Variants in DISC1 observed in about 807,000 individuals in gnomAD.
The protein encoded by DISC1 is DISC1 scaffold protein.
A neutral mutation model predicts 84.5 loss-of-function variants in DISC1; 57 were observed. The observed-to-expected ratio is 0.67, with a 90% confidence interval of 0.55 to 0.84. DISC1 has a LOEUF of 0.84. DISC1 is among the 40% of genes least tolerant of loss of function. The pLI, the probability that DISC1 is intolerant of heterozygous loss-of-function variation, is 0.00. For synonymous variants in DISC1, 411 were observed against 415.2 expected (o/e 0.99, Z 0.12); for missense variants, 1,000 against 1,057.8 (o/e 0.95, Z 0.76).
At position 231,931,645 on chromosome 1, in the gene DISC1, A is replaced by ATTTTT. The variant is rs10652394; in HGVS notation, c.1982-27172_1982-27168dup. ...TAGCTCAGTTTTGACACTGCTTGTG[A>ATTTTT]TTTTTTTTTTTTTTTGTCTTTGAGA... On this transcript the variant is annotated intron_variant, in intron 9 of 12. Transcript: ENST00000439617. Among the ~76,000 whole-genome samples the ATTTTT allele has an allele frequency of 6.9e-4, 95 of 137,944 alleles. 2 individuals carry two copies. In the South Asian group the frequency reaches 0.017, roughly 25 times the overall value. 90.5% of individuals were successfully genotyped at this position (137,944 alleles called of 152,430 possible).
At chr1:231,999,262 A>G (rs1666353961) in intron 10 of DISC1, among the ~76,000 whole-genome samples, 1 of 152,234 alleles carries the variant, frequency 6.6e-6, no homozygotes, top group Non-Finnish European at 1.5e-5. Flanking sequence ...TCAAATGAGA[A>G]CTCTGAAAGA....
At chr1:231,831,186 C>A (rs1357930981) in intron 9 of DISC1, among the ~76,000 whole-genome samples, 3 of 152,204 alleles carry the variant, frequency 2.0e-5, no homozygotes, top group Non-Finnish European at 4.4e-5. Flanking sequence ...GGGCAAATCC[C>A]CGGGCTTGAT....
intron 1 of DISC1, among the ~76,000 whole-genome samples, chr1:231,685,582 A>C (rs1047830977): frequency 1.3e-5 from 2 of 152,104 alleles, no homozygotes; most frequent in Admixed American, 6.5e-5. Context: ...CCTCCCGAGT[A>C]GCTGGGACTG....
At chr1:231,841,802 T>C (rs2083087505) in intron 9 of DISC1, among the ~76,000 whole-genome samples, 1 of 146,558 alleles carries the variant, frequency 6.8e-6, no homozygotes, top group African/African-American at 2.5e-5. Flanking sequence ...TAATTATTAA[T>C]AACTGTTAAT....
chr1:231,731,184 C>G (rs1162803564), intron 3 of DISC1, among the ~76,000 whole-genome samples: 1 of 152,210 alleles, frequency 6.6e-6, no homozygotes, highest in Non-Finnish European at 1.5e-5. Context: ...TCAGGAAAGG[C>G]AAGCCCCAAA....
intron 11 of DISC1, among the ~76,000 whole-genome samples, chr1:232,025,055 C>G (rs1477341949): frequency 6.6e-6 from 1 of 152,152 alleles, no homozygotes; most frequent in East Asian, 1.9e-4. Context: ...TTATTGTTTT[C>G]CTTTACAAGT....
chr1:231,777,131 G>A (rs2125500291), intron 6 of DISC1, among the ~76,000 whole-genome samples: 1 of 152,272 alleles, frequency 6.6e-6, no homozygotes, highest in Admixed American at 6.5e-5. Flanking sequence ...GGCTTTATGG[G>A]ACTGAGAGCA....
At chr1:231,807,237 G>T (rs949485757) in intron 8 of DISC1, among the ~76,000 whole-genome samples, 5 of 152,170 alleles carry the variant, frequency 3.3e-5, no homozygotes, top group Non-Finnish European at 7.3e-5. Context: ...CATCTGGAAC[G>T]GGGCCAGCCA....
chr1:232,028,548 G>A (rs1203152285), intron 12 of DISC1, among the ~76,000 whole-genome samples: 1 of 152,144 alleles, frequency 6.6e-6, no homozygotes, highest in Non-Finnish European at 1.5e-5. Flanking sequence ...GCGGGATCAT[G>A]GACAAGTGAT....
intron 10 of DISC1, among the ~76,000 whole-genome samples, chr1:231,971,078 A>G (rs974196308): frequency 1.3e-5 from 2 of 152,194 alleles, no homozygotes; most frequent in African/African-American, 2.4e-5. Flanking sequence ...TACAGTTTTA[A>G]AAAGACAGTT....
intron 9 of DISC1, among the ~76,000 whole-genome samples, chr1:231,829,057 C>G (rs1454202785): frequency 6.6e-6 from 1 of 152,076 alleles, no homozygotes; most frequent in Non-Finnish European, 1.5e-5. Context: ...GTCCAAGGAT[C>G]AATATACTGT....
chr1:231,912,735 G>A (rs1479090411), intron 9 of DISC1, among the ~76,000 whole-genome samples: 1 of 139,666 alleles, frequency 7.2e-6, no homozygotes, highest in African/African-American at 2.6e-5. Context: ...TAAGTCTGCA[G>A]CTTGCTCTTC....
intron 10 of DISC1, among the ~76,000 whole-genome samples, chr1:231,981,476 C>T (rs1215040499): frequency 6.6e-6 from 1 of 152,186 alleles, no homozygotes; most frequent in Non-Finnish European, 1.5e-5. Context: ...TACTGATCCT[C>T]AACTGGGGGC....
At chr1:231,919,284 A>T (rs1414214335) in intron 9 of DISC1, among the ~76,000 whole-genome samples, 3 of 152,234 alleles carry the variant, frequency 2.0e-5, no homozygotes, top group Non-Finnish European at 4.4e-5. Context: ...TTTGATTCTT[A>T]AGTCAGCATT....
At chr1:231,740,314 A>G (rs1445061640) in intron 3 of DISC1, among the ~76,000 whole-genome samples, 1 of 152,232 alleles carries the variant, frequency 6.6e-6, no homozygotes, top group Non-Finnish European at 1.5e-5. Context: ...TATTTAGCAC[A>G]TGAGGCTCTG....
chr1:231,839,217 CAG>C (rs1172453181), intron 9 of DISC1, among the ~76,000 whole-genome samples: 1 of 152,094 alleles, frequency 6.6e-6, no homozygotes, highest in East Asian at 1.9e-4. Context: ...ATCTAGGAGA[CAG>C]GGATCCAATC....
intron 3 of DISC1, among the ~76,000 whole-genome samples, chr1:231,721,866 T>A (rs1367863572): frequency 3.3e-5 from 5 of 152,134 alleles, no homozygotes; most frequent in African/African-American, 9.7e-5. Flanking sequence ...TGAAAAGCAC[T>A]GCCTTGGCTG....
In DISC1 at chr1:231,823,467, A is replaced by C. The variant is rs117871758; in HGVS notation, c.1981+4950A>C. On this transcript the variant is annotated intron_variant, in intron 9 of 12. Transcript: ENST00000439617. ...GAACTTCCTAGAAGTCACAGCAAAG[A>C]AGACAGTTGAAGCATCATCCTTCTT... Among the ~76,000 whole-genome samples, 21 of 152,320 alleles carry C rather than the reference A, an allele frequency of 1.4e-4. No homozygotes were observed. In the East Asian group the frequency reaches 4.0e-3, roughly 29 times the overall value.
chr1:231,808,115 A>C (rs1294943786), intron 8 of DISC1, among the ~76,000 whole-genome samples: 1 of 152,216 alleles, frequency 6.6e-6, no homozygotes, highest in African/African-American at 2.4e-5. Flanking sequence ...CTCAGACTGC[A>C]TGTTAGGATC....
Sources: gnomAD v4.1 joint callset for allele counts (sites outside exome capture counted in the v4.1 genomes callset) on GRCh38, gnomAD v4.1.1 for gene constraint, MANE v1.5 for transcripts, NCBI Gene and HGNC (gene_info 2026-07-23, HGNC 2026-07-21) for gene names.